SDK1: variants seen among roughly 807,000 people sequenced by gnomAD.
SDK1 encodes protein sidekick-1.
SDK1 carries 157 observed loss-of-function variants against 245.5 expected under a neutral mutation model. That is an observed-to-expected ratio of 0.64 (90% CI 0.56 to 0.73). SDK1 has a LOEUF of 0.73. Ranked by LOEUF, SDK1 falls within the 30% of genes least tolerant of loss-of-function variation. The pLI, the probability that SDK1 is intolerant of heterozygous loss-of-function variation, is 0.00. For missense variants in SDK1, 3,583 were observed against 3,002.3 expected, an observed-to-expected ratio of 1.19 and a Z score of -4.52; for synonymous variants, 1,647 against 1,278.5, an observed-to-expected ratio of 1.29 and a Z score of -6.15.
At chr7:3,480,798 A>G (rs374894999) in intron 1 of SDK1, among the ~76,000 whole-genome samples, 2 of 152,220 alleles carry the variant, frequency 1.3e-5, no homozygotes, top group East Asian at 3.9e-4. Flanking sequence ...TAGAAGCTTG[A>G]ACAGGTGAGG....
intron 22 of SDK1, among the ~76,000 whole-genome samples, chr7:4,097,773 G>A (rs1246112744): frequency 2.6e-5 from 4 of 152,130 alleles, no homozygotes; most frequent in Admixed American, 2.0e-4. Flanking sequence ...ATAAGTATCT[G>A]TCAGCATTTC....
chr7:4,187,117 G>A (rs1444871100), intron 35 of SDK1, among the ~76,000 whole-genome samples: 2 of 152,194 alleles, frequency 1.3e-5, no homozygotes, highest in Non-Finnish European at 2.9e-5. Context: ...GTGAGGGACT[G>A]TGAGAGAGGA....
chr7:4,113,504 A>C, intron 24 of SDK1, 65 bp downstream of exon 24: 2 of 1,557,140 alleles, frequency 1.3e-6, no homozygotes, highest in Non-Finnish European at 1.8e-6. Context: ...GCACACACTA[A>C]TCCAGGGCTT....
At chr7:3,783,671 C>A (rs577296110) in intron 4 of SDK1, among the ~76,000 whole-genome samples, 1 of 152,206 alleles carries the variant, frequency 6.6e-6, no homozygotes, top group South Asian at 2.1e-4. Flanking sequence ...AAGACCTTTA[C>A]ACTGAAAACT....
intron 35 of SDK1, among the ~76,000 whole-genome samples, chr7:4,188,530 G>A (rs1425296699): frequency 6.6e-6 from 1 of 152,100 alleles, no homozygotes; most frequent in Middle Eastern, 3.4e-3. Flanking sequence ...CAAATACTTT[G>A]TCTTTAATTT....
chr7:3,980,517 C>G (rs1457585560), intron 13 of SDK1, among the ~76,000 whole-genome samples: 1 of 152,146 alleles, frequency 6.6e-6, no homozygotes, highest in Non-Finnish European at 1.5e-5. Flanking sequence ...AATGCTTCGA[C>G]GCAATCTATC....
intron 4 of SDK1, among the ~76,000 whole-genome samples, chr7:3,777,327 G>T (rs770376292): frequency 5.3e-5 from 8 of 152,166 alleles, no homozygotes; most frequent in Non-Finnish European, 7.3e-5. Flanking sequence ...ATATTCCTAA[G>T]CCTTTTTCCA....
At chr7:3,994,870 A>G (rs2128142233) in intron 14 of SDK1, among the ~76,000 whole-genome samples, 1 of 152,244 alleles carries the variant, frequency 6.6e-6, no homozygotes, top group East Asian at 1.9e-4. Context: ...TTGAGCCACC[A>G]GAGCGAGCTC....
chr7:4,259,464 C>CTGT (rs1436268781), intron 44 of SDK1, among the ~76,000 whole-genome samples: 1 of 152,102 alleles, frequency 6.6e-6, no homozygotes, highest in Non-Finnish European at 1.5e-5. Context: ...CTTAAACAGC[C>CTGT]ACAAATACAG....
At chr7:3,825,138 A>G (rs925817107) in intron 5 of SDK1, among the ~76,000 whole-genome samples, 3 of 152,180 alleles carry the variant, frequency 2.0e-5, no homozygotes, top group African/African-American at 7.2e-5. Flanking sequence ...GGTGCACACC[A>G]GAAAAAGAAG....
intron 19 of SDK1, among the ~76,000 whole-genome samples, chr7:4,064,621 T>C (rs113800064): frequency 0.046 from 6,999 of 152,288 alleles, 305 homozygotes; most frequent in African/African-American, 0.11. Flanking sequence ...CCATGCTTAC[T>C]GCAGCACCAT....
chr7:3,515,744 A>G (rs1179921537), intron 1 of SDK1, among the ~76,000 whole-genome samples: 1 of 152,128 alleles, frequency 6.6e-6, no homozygotes, highest in Admixed American at 6.6e-5. Context: ...CCATTTTTCA[A>G]CTCGATTTTA....
At chr7:4,151,330 T>G (rs1205552749) in intron 30 of SDK1, among the ~76,000 whole-genome samples, 2 of 152,134 alleles carry the variant, frequency 1.3e-5, no homozygotes, top group East Asian at 3.9e-4. Flanking sequence ...CAAGCAGCCC[T>G]CTGCTCTTCT....
chr7:3,444,701 G>C (rs1001065751), intron 1 of SDK1, among the ~76,000 whole-genome samples: 10 of 152,126 alleles, frequency 6.6e-5, no homozygotes, highest in African/African-American at 1.9e-4. Flanking sequence ...TCCTTGATTG[G>C]TTTTCTGTTT....
intron 4 of SDK1, among the ~76,000 whole-genome samples, chr7:3,688,071 A>G (rs1784341938): frequency 6.6e-6 from 1 of 152,242 alleles, no homozygotes; most frequent in South Asian, 2.1e-4. Context: ...GCATTTAGGG[A>G]AGCCAGTGTA....
chr7:3,675,194 A>T (rs780786199), intron 4 of SDK1, among the ~76,000 whole-genome samples: 6 of 152,166 alleles, frequency 3.9e-5, no homozygotes, highest in Admixed American at 3.9e-4. Context: ...TTATCTTTCA[A>T]ATGGTTCAGG....
Position 4,149,372 on chromosome 7 carries a change from T to G in SDK1, c.4534T>G (p.Phe1512Val). The G allele has an allele frequency of 6.3e-7, 1 of 1,592,666 alleles. No homozygotes were observed. The highest frequency in any genetic ancestry group is 8.5e-7 in the Non-Finnish European group (1 of 1,170,244). ...GSDGASPIRY[F>V]TMQVRELPRG... is the part of the protein sequence containing the mutation. ...CGACGGGGCCTCCCCCATCCGGTACTTCACCATGCAGGTGCGAGAGCTGCC... is the reference window on the plus strand; with the variant it reads ...CGACGGGGCCTCCCCCATCCGGTACGTCACCATGCAGGTGCGAGAGCTGCC... The change falls in exon 30 of 45, where the codon TTC becomes GTC. Residue 1512 changes from phenylalanine to valine, a missense_variant. Transcript: ENST00000404826.
chr7:3,371,606 A>G (rs552580832), intron 1 of SDK1, among the ~76,000 whole-genome samples: 17 of 152,308 alleles, frequency 1.1e-4, no homozygotes, highest in Admixed American at 2.0e-4. Flanking sequence ...TAAAATCCCT[A>G]CTAAGATAAT....
chr7:3,662,165 A>G (rs1384814450), intron 4 of SDK1, among the ~76,000 whole-genome samples: 1 of 145,134 alleles, frequency 6.9e-6, no homozygotes, highest in Admixed American at 7.1e-5. Flanking sequence ...TTAATCCTTT[A>G]TTCGAACAAA....
Sources: gnomAD v4.1 joint callset for allele counts (sites outside exome capture counted in the v4.1 genomes callset) on GRCh38, gnomAD v4.1.1 for gene constraint, MANE v1.5 for transcripts, NCBI Gene and HGNC (gene_info 2026-07-23, HGNC 2026-07-21) for gene names.